PLD6: variants seen among roughly 807,000 people sequenced by gnomAD.
The protein encoded by PLD6 is phospholipase D family member 6.
PLD6 carries 10 observed loss-of-function variants against 9.7 expected under a neutral mutation model. That is an observed-to-expected ratio of 1.03 (90% CI 0.64 to 1.75). PLD6 has a LOEUF of 1.75. Among genes scored for constraint, PLD6 ranks in the 40% most tolerant of loss-of-function variants. The probability of loss-of-function intolerance (pLI) is 0.00; values close to 1 mark genes in which losing one functional copy is unlikely to be tolerated. For synonymous variants in PLD6, 152 were observed against 159.2 expected (o/e 0.96, Z 0.34); for missense variants, 334 against 347.6 (o/e 0.96, Z 0.31).
Position 17,202,253 on chromosome 17 carries a change from C to G in PLD6, c.*514G>C, listed in dbSNP as rs2144777803. Reference sequence around the variant, plus strand: ...CACCGCACACTCACATCTTCCCTTCCTCCTGACTTCCATTTCCTTTCCTTA... The same window carrying G: ...CACCGCACACTCACATCTTCCCTTCGTCCTGACTTCCATTTCCTTTCCTTA... On this transcript the variant is annotated 3_prime_UTR_variant, in exon 2 of 2. Coordinates refer to ENST00000321560, the MANE Select transcript of PLD6 (RefSeq NM_178836.4). The G allele has an allele frequency of 6.3e-6, 1 of 159,766 alleles. No homozygotes were observed. Among genetic ancestry groups the G allele is most frequent in the South Asian group, 1.8e-4 (1 of 5,608 alleles). 9.9% of individuals were successfully genotyped at this position (159,766 alleles called of 1,614,324 possible).
In PLD6 at chr17:17,202,590, G is replaced by A; in HGVS notation, c.*177C>T. The A allele has an allele frequency of 1.5e-6, 1 of 662,080 alleles. No homozygotes were observed. The highest frequency in any genetic ancestry group is 2.0e-5 in the South Asian group (1 of 49,412). 41.0% of individuals were successfully genotyped at this position (662,080 alleles called of 1,614,324 possible). On this transcript the variant is annotated 3_prime_UTR_variant, in exon 2 of 2. Coordinates refer to ENST00000321560, the MANE Select transcript of PLD6 (RefSeq NM_178836.4). ...TATTTTGGCAAAGGAGCAAGAAAAA[G>A]GTCTGGCCCGAAATAACTGACCCGA...
In PLD6 at chr17:17,206,259, C is replaced by G. The variant is rs1251544696; in HGVS notation, c.28G>C (p.Ala10Pro). MGRLSWQVA[A>P]AAAVGLALTL... Reference sequence around the variant, plus strand: ...AGAGCCAGGCCCACAGCCGCCGCGGCCGCCACCTGCCAACTCAACCGTCCC... The same window carrying G: ...AGAGCCAGGCCCACAGCCGCCGCGGGCGCCACCTGCCAACTCAACCGTCCC... The change falls in exon 1 of 2, where the codon GCC (alanine) becomes CCC (proline). Residue 10 changes from alanine to proline, a missense_variant. Coordinates refer to ENST00000321560, the MANE Select transcript of PLD6 (RefSeq NM_178836.4). 4.5e-6 allele frequency: 7 copies of G among 1,543,946 alleles called. No individual in the cohort carries two copies. The highest frequency in any genetic ancestry group is 6.1e-6 in the Non-Finnish European group (7 of 1,156,436).
At chr17:17,205,816 G>C in intron 1 of PLD6, 44 bp downstream of exon 1, 1 of 1,540,622 alleles carries the variant, frequency 6.5e-7, no homozygotes, top group Non-Finnish European at 8.7e-7. Context: ...AGGACCCCGC[G>C]TGGGCCAAGC....
rs1177747344 is a variant in PLD6, at chr17:17,205,858, A to G, written c.427+2T>C. The G allele has an allele frequency of 6.4e-7, 1 of 1,564,120 alleles. No homozygotes were observed. The highest frequency in any genetic ancestry group is 8.7e-7 in the Non-Finnish European group (1 of 1,155,716). ...TCTCCGCTTGGACCCCGCCGGGCCT[A>G]CCTGCCTTGCGCAGCAGACCGATTT... On this transcript the variant is annotated splice_donor_variant, in intron 1 of 1. Transcript: ENST00000321560. LOFTEE classifies it high-confidence loss of function.
chr17:17,201,290 T>C lies in PLD6; in HGVS notation c.*1477A>G, dbSNP rs1387616787. ...GGGTCTCTGGGTGGTAATGCCAGCG[T>C]GGGCTGGGGAGGTGAGACTAAGCAC... On this transcript the variant is annotated 3_prime_UTR_variant, in exon 2 of 2. Transcript: ENST00000321560. The C allele has an allele frequency of 6.6e-6, 1 of 152,260 alleles. No homozygotes were observed. The highest frequency in any genetic ancestry group is 1.9e-4 in the East Asian group (1 of 5,192). 9.4% of individuals were successfully genotyped at this position (152,260 alleles called of 1,614,324 possible).
chr17:17,204,528 AG>A, intron 1 of PLD6: 1 of 152,318 alleles, frequency 6.6e-6, no homozygotes, highest in Non-Finnish European at 1.5e-5. Flanking sequence ...ATACTGGCAC[AG>A]AGGGGACATT....
chr17:17,202,690 G>A lies in PLD6; in HGVS notation c.*77C>T. ...CTAATAGACGAGACTTTAGTTTAACGATTTTTTTCTAGTGCCGAGGTCTCC... is the reference window on the plus strand; with the variant it reads ...CTAATAGACGAGACTTTAGTTTAACAATTTTTTTCTAGTGCCGAGGTCTCC... On this transcript the variant is annotated 3_prime_UTR_variant, in exon 2 of 2. Coordinates refer to ENST00000321560, the MANE Select transcript of PLD6 (RefSeq NM_178836.4). 1.2e-5 allele frequency: 17 copies of A among 1,389,530 alleles called. No individual in the cohort carries two copies. The highest frequency in any genetic ancestry group is 2.7e-5 in the South Asian group (2 of 73,134). 86.1% of individuals were successfully genotyped at this position (1,389,530 alleles called of 1,614,324 possible).
Position 17,203,469 on chromosome 17 carries a change from T to G in PLD6, c.428-371A>C, listed in dbSNP as rs375998705. On this transcript the variant is annotated intron_variant, in intron 1 of 1. Transcript: ENST00000321560. Reference sequence around the variant, plus strand: ...AGACAGCGTGTGAGCCTTCAGGTTCTGACTCTTCCACAGCTAAGGCTGAGA... The same window carrying G: ...AGACAGCGTGTGAGCCTTCAGGTTCGGACTCTTCCACAGCTAAGGCTGAGA... Among the ~76,000 whole-genome samples the G allele has an allele frequency of 3.9e-5, 6 of 152,214 alleles. No homozygotes were observed. In the East Asian group the frequency reaches 1.2e-3, roughly 29 times the overall value.
In PLD6 at chr17:17,201,040, G is replaced by C. The variant is rs1194454766; in HGVS notation, c.*1727C>G. The C allele has an allele frequency of 6.6e-6, 1 of 152,196 alleles. No homozygotes were observed. The highest frequency in any genetic ancestry group is 1.5e-5 in the Non-Finnish European group (1 of 68,044). 9.4% of individuals were successfully genotyped at this position (152,196 alleles called of 1,614,324 possible). ...TATTCAGATGTGCCAGAAGTCCAGG[G>C]TCACGCGGCTTCGCATTTAGGAGAT... On this transcript the variant is annotated 3_prime_UTR_variant, in exon 2 of 2. Coordinates refer to ENST00000321560, the MANE Select transcript of PLD6 (RefSeq NM_178836.4).
At position 17,206,203 on chromosome 17, in the gene PLD6, G is replaced by C; in HGVS notation, c.84C>G (p.Arg28=). 1 of 1,529,472 alleles carries C rather than the reference G, an allele frequency of 6.5e-7. No homozygotes were observed. The allele number at this position is 1,529,472 out of a possible 1,614,324, so 94.7% of individuals were successfully genotyped here. A position where few individuals can be genotyped will look rare whatever the true frequency, so the allele number is the denominator to read the frequency against. ...LTLEALPWVL[R]WLRSRRRRPR... ...GCCGCCGCCGCCTGGACCGCAGCCA[G>C]CGCAGCACCCAAGGCAGCGCCTCCA... is the stretch of plus-strand genomic sequence containing the variant. Residue 28 remains arginine (R), a synonymous_variant, in exon 1 of 2, where the codon CGC becomes CGG. Coordinates refer to ENST00000321560, the MANE Select transcript of PLD6 (RefSeq NM_178836.4).
intron 1 of PLD6, among the ~76,000 whole-genome samples, chr17:17,204,758 C>T (rs543018256): frequency 1.3e-5 from 2 of 152,292 alleles, no homozygotes; most frequent in Non-Finnish European, 2.9e-5. Context: ...GGGAGGACAG[C>T]TCTTGTGGCT....
At position 17,201,713 on chromosome 17, in the gene PLD6, G is replaced by C. The variant is rs532022262; in HGVS notation, c.*1054C>G. 6.6e-6 allele frequency: 1 copy of C among 152,286 alleles called. No individual in the cohort carries two copies. Among genetic ancestry groups the C allele is most frequent in the Non-Finnish European group, 1.5e-5 (1 of 68,110 alleles). The allele number at this position is 152,286 out of a possible 1,614,324, so 9.4% of individuals were successfully genotyped here. On this transcript the variant is annotated 3_prime_UTR_variant, in exon 2 of 2. Coordinates refer to ENST00000321560, the MANE Select transcript of PLD6 (RefSeq NM_178836.4). The stretch of plus-strand genomic sequence containing the variant: ...GTTAAAAGCCCGGCCGGGCATGGCG[G>C]CTCACACCTGTAATCCCAGCACTTT...
At position 17,203,099 on chromosome 17, in the gene PLD6, C is replaced by T. The variant is rs1018708395; in HGVS notation, c.428-1G>A. ...TCTTGATCGTGCCGGACCTGGATCCCTGCAGAAAGGACAAGGTGATTTCAT... is the reference window on the plus strand; with the variant it reads ...TCTTGATCGTGCCGGACCTGGATCCTTGCAGAAAGGACAAGGTGATTTCAT... On this transcript the variant is annotated splice_acceptor_variant, in intron 1 of 1. Transcript: ENST00000321560. LOFTEE classifies it high-confidence loss of function. The T allele has an allele frequency of 1.9e-6, 3 of 1,612,088 alleles. No individual in the cohort carries two copies.
chr17:17,201,804 A>T lies in PLD6; in HGVS notation c.*963T>A, dbSNP rs992565225. The T allele has an allele frequency of 6.6e-6, 1 of 151,792 alleles. No individual in the cohort carries two copies. The highest frequency in any genetic ancestry group is 1.5e-5 in the Non-Finnish European group (1 of 67,962). 9.4% of individuals were successfully genotyped at this position (151,792 alleles called of 1,614,324 possible). On this transcript the variant is annotated 3_prime_UTR_variant, in exon 2 of 2. Coordinates refer to ENST00000321560, the MANE Select transcript of PLD6 (RefSeq NM_178836.4). ...AGACCAGCCTAACCAACATGGTGAA[A>T]CCCTGTCTCTACTAAAAATACCAAA... is the stretch of plus-strand genomic sequence containing the variant.
At position 17,204,011 on chromosome 17, in the gene PLD6, T is replaced by G. The variant is rs114489842; in HGVS notation, c.428-913A>C. On this transcript the variant is annotated intron_variant, in intron 1 of 1. Transcript: ENST00000321560. ...ATGAAGACGTGGTGGCTTCCTTACC[T>G]CGAGGAGCCAGCCCTTCTTCTCACA... Among the ~76,000 whole-genome samples the G allele has an allele frequency of 3.9e-3, 591 of 152,274 alleles. 5 individuals carry two copies. Among genetic ancestry groups the G allele is most frequent in the African/African-American group, 0.013 (537 of 41,568 alleles).
At chr17:17,205,251 T>C (rs1251380903) in intron 1 of PLD6, among the ~76,000 whole-genome samples, 3 of 152,076 alleles carry the variant, frequency 2.0e-5, no homozygotes, top group East Asian at 3.9e-4. Context: ...CCGCCAGAAA[T>C]ATGTGTTCCC....
rs772808546 is a variant in PLD6 at position 17,202,916 on chromosome 17, G to A, written c.610C>T (p.Arg204Cys). 5.0e-6 allele frequency: 8 copies of A among 1,614,158 alleles called. No homozygotes were observed. The highest frequency in any genetic ancestry group is 2.2e-5 in the East Asian group (1 of 44,878). The change falls in exon 2 of 2, where the codon CGC (arginine) becomes TGC (cysteine). Residue 204 changes from arginine to cysteine, a missense_variant. Coordinates refer to ENST00000321560, the MANE Select transcript of PLD6 (RefSeq NM_178836.4). ...YVRLFLEEFE[R>C]IWEQFNPTKY... ...GTAGGGTTAAACTGTTCCCAGATGCGCTCAAATTCTTCCAGAAAAAGCCGC... is the reference window on the plus strand; with the variant it reads ...GTAGGGTTAAACTGTTCCCAGATGCACTCAAATTCTTCCAGAAAAAGCCGC...
rs1222208815 is a variant in PLD6 at position 17,206,090 on chromosome 17, GGGAGCTCGGCCAGCTCCGCGCCC to G, written c.174_196del (p.Gly59ArgfsTer137). 3 of 1,490,428 alleles carry G rather than the reference GGGAGCTCGGCCAGCTCCGCGCCC, an allele frequency of 2.0e-6. No homozygotes were observed. Among genetic ancestry groups the G allele is most frequent in the Non-Finnish European group, 2.7e-6 (3 of 1,129,060 alleles). 92.3% of individuals were successfully genotyped at this position (1,490,428 alleles called of 1,614,324 possible). ...GGGCAGGCCGCACGGGCAGCCCTCGGGGAGCTCGGCCAGCTCCGCGCCCGGAGCCCGCAGCAGGGCCTCGGTAC... is the reference window on the plus strand; with the variant it reads ...GGGCAGGCCGCACGGGCAGCCCTCGGGGAGCCCGCAGCAGGGCCTCGGTAC... On this transcript the variant is annotated frameshift_variant, in exon 1 of 2. Coordinates refer to ENST00000321560, the MANE Select transcript of PLD6 (RefSeq NM_178836.4). LOFTEE classifies it high-confidence loss of function.
At chr17:17,205,333 GC>G (rs1567799572) in intron 1 of PLD6, among the ~76,000 whole-genome samples, 2 of 152,174 alleles carry the variant, frequency 1.3e-5, no homozygotes, top group Non-Finnish European at 2.9e-5. Flanking sequence ...GTCTCCCAGA[GC>G]CCAGTGGCCT....
Sources: allele counts gnomAD v4.1 joint callset (sites outside exome capture counted in the v4.1 genomes callset), GRCh38; gene constraint gnomAD v4.1.1; transcripts MANE v1.5; gene names NCBI Gene and HGNC (gene_info 2026-07-23, HGNC 2026-07-21).